PIAS1: variants seen among roughly 807,000 people sequenced by gnomAD.
PIAS1 encodes protein inhibitor of activated STAT 1, also known as E3 SUMO-protein ligase PIAS1.
PIAS1 carries 6 observed loss-of-function variants against 71.3 expected under a neutral mutation model. The ratio of observed to expected loss-of-function variants is 0.08; its 90% CI spans 0.05 to 0.17. The LOEUF (loss-of-function observed/expected upper bound fraction) is 0.17. PIAS1 is among the 10% of genes least tolerant of loss of function. PIAS1 has a pLI of 1.00. For synonymous variants in PIAS1, 303 were observed against 292.9 expected (o/e 1.03, Z -0.35); for missense variants, 555 against 793.6 (o/e 0.70, Z 3.61).
chr15:68,103,542 C>T (rs1379379233), intron 2 of PIAS1, among the ~76,000 whole-genome samples: 1 of 152,060 alleles, frequency 6.6e-6, no homozygotes, highest in African/African-American at 2.4e-5. Flanking sequence ...GTGCAGCCAC[C>T]ATCACTATCA....
chr15:68,183,593 T>C, intron 12 of PIAS1, 37 bp from the exon 13 acceptor site: 1 of 680,176 alleles, frequency 1.5e-6, no homozygotes, highest in Non-Finnish European at 2.4e-6. Context: ...TTTTTCCTTC[T>C]TTTTTTTTTA....
In PIAS1 at chr15:68,187,511, C is replaced by CGTTA; in HGVS notation, c.1663-31_1663-30insGTTA. The CGTTA allele has an allele frequency of 6.3e-7, 1 of 1,592,846 alleles. No homozygotes were observed. The highest frequency in any genetic ancestry group is 8.6e-7 in the Non-Finnish European group (1 of 1,162,436). On this transcript the variant is annotated intron_variant, in intron 13 of 13. Transcript: ENST00000249636. This position sits in a 1 kb window ranked among gnomAD's most constrained non-coding sequence, Gnocchi z 5.3. Reference sequence around the variant, plus strand: ...TATATTAATTTGGAAGTATAATTAACATTTTTGTGTCTTTTGTTTCCCCTC... The same window carrying CGTTA: ...TATATTAATTTGGAAGTATAATTAACGTTAATTTTTGTGTCTTTTGTTTCCCCTC...
chr15:68,180,598 A>ATTT (rs1373137934), intron 11 of PIAS1, among the ~76,000 whole-genome samples: 3 of 126,136 alleles, frequency 2.4e-5, no homozygotes, highest in Non-Finnish European at 1.7e-5. Flanking sequence ...GTTTTGGAGT[A>ATTT]TTTCTTCTTG....
chr15:68,166,992 AT>A (rs916725566), intron 8 of PIAS1, among the ~76,000 whole-genome samples: 3 of 151,888 alleles, frequency 2.0e-5, no homozygotes, highest in Non-Finnish European at 4.4e-5. Flanking sequence ...CACCCGGCTG[AT>A]TTTTGCATTT....
At chr15:68,076,603 T>C (rs2092168474) in intron 1 of PIAS1, among the ~76,000 whole-genome samples, 1 of 152,226 alleles carries the variant, frequency 6.6e-6, no homozygotes, top group Non-Finnish European at 1.5e-5. Context: ...CCTTAAATTT[T>C]ATTGTTACTT....
At chr15:68,058,571 A>G (rs2091922429) in intron 1 of PIAS1, among the ~76,000 whole-genome samples, 2 of 152,128 alleles carry the variant, frequency 1.3e-5, no homozygotes. Flanking sequence ...ATTTCTACTT[A>G]TGTTGTTGCT....
intron 1 of PIAS1, among the ~76,000 whole-genome samples, chr15:68,072,015 A>G (rs982412479): frequency 9.9e-5 from 15 of 151,886 alleles, no homozygotes; most frequent in Non-Finnish European, 2.2e-4. Context: ...AGCATGAGCA[A>G]AGGTAATGAG....
chr15:68,087,563 G>A (rs1377215634), intron 2 of PIAS1, among the ~76,000 whole-genome samples: 2 of 152,050 alleles, frequency 1.3e-5, no homozygotes, highest in African/African-American at 4.8e-5. Flanking sequence ...GTGGTTCTGA[G>A]CTAAGAAATC....
At chr15:68,158,798 T>G (rs1004083762) in intron 7 of PIAS1, among the ~76,000 whole-genome samples, 1 of 152,130 alleles carries the variant, frequency 6.6e-6, no homozygotes, top group Admixed American at 6.6e-5. Context: ...GGATAGAAAT[T>G]ATCTTGAAAT....
Position 68,187,945 on chromosome 15 carries a change from G to A in PIAS1, c.*110G>A, listed in dbSNP as rs956886199. Reference sequence around the variant, plus strand: ...ACTCTGTTTAGAAAAGTATACAAGCGTGTTTTTTTTCCTTTTTTTAGGGAA... The same window carrying A: ...ACTCTGTTTAGAAAAGTATACAAGCATGTTTTTTTTCCTTTTTTTAGGGAA... On this transcript the variant is annotated 3_prime_UTR_variant, in exon 14 of 14. Transcript: ENST00000249636. This position sits in a 1 kb window ranked among gnomAD's most constrained non-coding sequence, Gnocchi z 5.3. The A allele has an allele frequency of 2.5e-5, 25 of 1,009,796 alleles. No individual in the cohort carries two copies. Among genetic ancestry groups the A allele is most frequent in the East Asian group, 1.1e-4 (4 of 38,048 alleles). The allele number at this position is 1,009,796 out of a possible 1,614,324, so 62.6% of individuals were successfully genotyped here.
At chr15:68,175,826 A>G in intron 10 of PIAS1, 59 bp downstream of exon 10, 2 of 1,213,486 alleles carry the variant, frequency 1.6e-6, no homozygotes, top group Non-Finnish European at 2.2e-6. Context: ...CTGGTTTTCA[A>G]TATTAAAATC....
At chr15:68,088,742 G>A (rs8037068) in intron 2 of PIAS1, among the ~76,000 whole-genome samples, 1,607 of 152,168 alleles carry the variant, frequency 0.011, 29 homozygotes, top group African/African-American at 0.035. Context: ...TCAGGGTGTA[G>A]GATGAGTATA....
chr15:68,054,563 C>T lies in PIAS1; in HGVS notation c.24+213C>T. The T allele has an allele frequency of 2.0e-6, 1 of 492,240 alleles. No individual in the cohort carries two copies. Among genetic ancestry groups the T allele is most frequent in the Non-Finnish European group, 3.6e-6 (1 of 278,754 alleles). 30.5% of individuals were successfully genotyped at this position (492,240 alleles called of 1,614,324 possible). On this transcript the variant is annotated intron_variant, in intron 1 of 13. Coordinates refer to ENST00000249636, the MANE Select transcript of PIAS1 (RefSeq NM_016166.3). This position sits in a 1 kb window ranked among gnomAD's most constrained non-coding sequence, Gnocchi z 4.6. ...TGCCTCGGGGGCGCTGACGGGTCGT[C>T]CCCGGCGTGTTATTGTTGTGGGCGC...
intron 12 of PIAS1, 106 bp from the exon 13 acceptor site, chr15:68,183,524 G>A (rs927252424): frequency 1.7e-6 from 1 of 593,712 alleles, no homozygotes; most frequent in Non-Finnish European, 3.1e-6. Context: ...ATAAAATTCT[G>A]AGTGACATAG....
intron 7 of PIAS1, among the ~76,000 whole-genome samples, chr15:68,163,851 C>G (rs1239776091): frequency 1.3e-5 from 2 of 152,124 alleles, no homozygotes; most frequent in Non-Finnish European, 2.9e-5. Context: ...TATTATGGGA[C>G]AGTTTCTAAA....
chr15:68,132,475 TA>T lies in PIAS1; in HGVS notation c.470-9461del, dbSNP rs575689596. Reference sequence around the variant, plus strand: ...GGGTGACAGAGTGAGACTCTGTCTCTAAAAAAAAAAGGAAACTACAATGTTA... The same window carrying T: ...GGGTGACAGAGTGAGACTCTGTCTCTAAAAAAAAAGGAAACTACAATGTTA... On this transcript the variant is annotated intron_variant, in intron 2 of 13. Transcript: ENST00000249636. Among the ~76,000 whole-genome samples, 345 of 144,644 alleles carry T rather than the reference TA, an allele frequency of 2.4e-3. 1 individual carries two copies. Among genetic ancestry groups the T allele is most frequent in the African/African-American group, 7.7e-3 (305 of 39,602 alleles). 94.9% of individuals were successfully genotyped at this position (144,644 alleles called of 152,430 possible). A position where few individuals can be genotyped will look rare whatever the true frequency, so the allele number is the denominator to read the frequency against.
chr15:68,132,773 ACAAC>A (rs1378376022), intron 2 of PIAS1, among the ~76,000 whole-genome samples: 2 of 152,154 alleles, frequency 1.3e-5, no homozygotes, highest in Non-Finnish European at 2.9e-5. Flanking sequence ...ACTTTGAATA[ACAAC>A]CAAAGTGAGA....
chr15:68,145,763 C>G (rs1426325407), intron 4 of PIAS1, 53 bp from the exon 5 acceptor site: 1 of 982,492 alleles, frequency 1.0e-6, no homozygotes, highest in African/African-American at 1.6e-5. Context: ...AACAATAATA[C>G]TAATGAAGTC....
intron 1 of PIAS1, among the ~76,000 whole-genome samples, chr15:68,083,764 TAA>T (rs34242425): frequency 3.1e-5 from 4 of 129,090 alleles, no homozygotes; most frequent in Non-Finnish European, 1.7e-5. Flanking sequence ...ATGAATCCTG[TAA>T]AAAAAAAAAA....
Sources: gnomAD v4.1 joint callset for allele counts (sites outside exome capture counted in the v4.1 genomes callset) on GRCh38, gnomAD v4.1.1 for gene constraint, Gnocchi (gnomAD v3.1) non-coding constraint, MANE v1.5 for transcripts, NCBI Gene and HGNC (gene_info 2026-07-23, HGNC 2026-07-21) for gene names.